The following ODF2 variants were observed in gnomAD, a reference collection of about 807,000 sequenced individuals.
ODF2 encodes the protein outer dense fiber protein 2.
A neutral mutation model predicts 110.2 loss-of-function variants in ODF2; 47 were observed. The ratio of observed to expected loss-of-function variants is 0.43; its 90% CI spans 0.34 to 0.54. The LOEUF (loss-of-function observed/expected upper bound fraction) is 0.54, where lower values mean the gene tolerates loss of function less well. Ranked by LOEUF, ODF2 falls within the 20% of genes least tolerant of loss-of-function variation. The pLI, the probability that ODF2 is intolerant of heterozygous loss-of-function variation, is 0.03. For missense variants in ODF2, 812 were observed against 1,054.5 expected (o/e 0.77, Z 3.19); for synonymous variants, 352 against 397.7 (o/e 0.89, Z 1.37).
rs1360242666 is a variant in ODF2, at chr9:128,484,902, T to C, written c.1290+16T>C. The C allele has an allele frequency of 6.4e-7, 1 of 1,563,846 alleles. No homozygotes were observed. The highest frequency in any genetic ancestry group is 1.4e-5 in the African/African-American group (1 of 73,292). On this transcript the variant is annotated intron_variant, in intron 12 of 20. Coordinates refer to ENST00000604420, the Ensembl canonical transcript of ODF2. The stretch of plus-strand genomic sequence containing the variant: ...CGCTGACAAGGTCGCAGGCCCGCGG[T>C]GCCCAGCTCCTCACCTGCCCTGAGG...
intron 18 of ODF2, 45 bp downstream of exon 18, chr9:128,496,186 A>G (rs1416161860): frequency 6.2e-7 from 1 of 1,611,462 alleles, no homozygotes; most frequent in Non-Finnish European, 8.5e-7. Flanking sequence ...CTAGGACCTG[A>G]GACTTTCAGC....
intron 4 of ODF2, among the ~76,000 whole-genome samples, chr9:128,461,533 C>G (rs1045752444): frequency 6.6e-6 from 1 of 152,256 alleles, no homozygotes; most frequent in South Asian, 2.1e-4. Flanking sequence ...ATTCTCCAGC[C>G]TCAGCCTCCC....
exon 6 of ODF2, chr9:128,471,353 G>A (rs749752746): frequency 2.1e-5 from 34 of 1,613,266 alleles, no homozygotes; most frequent in Non-Finnish European, 2.8e-5. Context: ...AAGGTTCCTG[G>A]AGGAACGGAA....
chr9:128,495,578 T>C (rs1845434842), intron 17 of ODF2, among the ~76,000 whole-genome samples: 1 of 152,356 alleles, frequency 6.6e-6, no homozygotes, highest in East Asian at 1.9e-4. Flanking sequence ...GGGTAAATTC[T>C]CAAACTTGCC....
chr9:128,456,848 C>A, intron 1 of ODF2: 2 of 1,306,332 alleles, frequency 1.5e-6, no homozygotes, highest in Non-Finnish European at 1.9e-6. Context: ...GCGCCCGGGG[C>A]CCGTGCAACC....
exon 9 of ODF2, chr9:128,481,615 G>A: frequency 8.7e-6 from 14 of 1,614,028 alleles, no homozygotes; most frequent in Non-Finnish European, 1.2e-5. Context: ...AAGGAGCACT[G>A]CTGAAACGGC....
intron 1 of ODF2, 57 bp downstream of exon 1, chr9:128,456,312 C>T (rs1834759805): frequency 1.3e-6 from 2 of 1,485,772 alleles, no homozygotes; most frequent in East Asian, 2.8e-5. Flanking sequence ...CGGGCGAGAC[C>T]GTCGCCTTCG....
chr9:128,457,021 C>A, intron 1 of ODF2: 1 of 1,276,356 alleles, frequency 7.8e-7, no homozygotes, highest in Non-Finnish European at 1.0e-6. Flanking sequence ...GCGGTTCTCA[C>A]CCGCCCTCTC....
exon 2 of ODF2, chr9:128,457,418 T>G: frequency 1.9e-6 from 3 of 1,612,592 alleles, no homozygotes; most frequent in Non-Finnish European, 2.5e-6. Flanking sequence ...GTCTGCCTCA[T>G]CCTCAGGCGG....
chr9:128,473,197 A>G, intron 7 of ODF2, 155 bp downstream of exon 7: 1 of 1,459,260 alleles, frequency 6.9e-7, no homozygotes, highest in Non-Finnish European at 9.1e-7. Context: ...CACCACTCTC[A>G]CTTCCCAATC....
chr9:128,498,264 C>A, intron 18 of ODF2, 149 bp from the exon 19 acceptor site: 2 of 1,242,426 alleles, frequency 1.6e-6, no homozygotes, highest in Non-Finnish European at 2.1e-6. Context: ...CCTTGCTGAT[C>A]TGCAGATTTC....
chr9:128,489,802 T>C (rs773573193), intron 14 of ODF2, among the ~76,000 whole-genome samples: 1 of 152,198 alleles, frequency 6.6e-6, no homozygotes, highest in Non-Finnish European at 1.5e-5. Context: ...CACTGAATAG[T>C]AAAGTGTGTC....
chr9:128,484,204 C>T, intron 11 of ODF2, 150 bp downstream of exon 11: 1 of 642,772 alleles, frequency 1.6e-6, no homozygotes, highest in Non-Finnish European at 2.7e-6. Flanking sequence ...CAGAGACATT[C>T]CAGGACAGTG....
chr9:128,465,556 C>T (rs763308164), intron 4 of ODF2, among the ~76,000 whole-genome samples: 3 of 151,500 alleles, frequency 2.0e-5, no homozygotes, highest in East Asian at 2.0e-4. Context: ...TCCTGGCCAA[C>T]GTGGTGAAAC....
rs1838562214 is a variant in ODF2, at chr9:128,467,569, A to AC, written c.250-1610dup. The stretch of plus-strand genomic sequence containing the variant: ...AGACCAGCCTGGCCAACATGGTGAA[A>AC]CCCCACCTCTACTAAAAATACAAAA... On this transcript the variant is annotated intron_variant, in intron 4 of 20. Transcript: ENST00000604420. Among the ~76,000 whole-genome samples the AC allele has an allele frequency of 2.0e-5, 3 of 151,966 alleles. No homozygotes were observed. In the South Asian group the frequency reaches 6.2e-4, roughly 32 times the overall value.
intron 3 of ODF2, chr9:128,460,336 T>C (rs992122799): frequency 7.0e-7 from 1 of 1,436,160 alleles, no homozygotes; most frequent in African/African-American, 1.4e-5. Context: ...TGGACCAGAA[T>C]CTCCCTTGTG....
chr9:128,469,387 C>T lies in ODF2; in HGVS notation c.420+34C>T, dbSNP rs781668549. On this transcript the variant is annotated intron_variant, in intron 5 of 20. Coordinates refer to ENST00000604420, the Ensembl canonical transcript of ODF2. The stretch of plus-strand genomic sequence containing the variant: ...GGTAGGGGGCTGGGATAGCTACTAC[C>T]CTGAGGATGTGCAGGAGCACCCAGG... 3 of 1,608,870 alleles carry T rather than the reference C, an allele frequency of 1.9e-6. No individual in the cohort carries two copies. The African/African-American group carries it at 4.0e-5, about 22-fold the overall frequency.
At chr9:128,482,035 C>A (rs909357060) in intron 9 of ODF2, among the ~76,000 whole-genome samples, 3 of 152,170 alleles carry the variant, frequency 2.0e-5, no homozygotes, top group Non-Finnish European at 4.4e-5. Context: ...CAGCATGTTC[C>A]AAAGTCTGTT....
intron 7 of ODF2, 31 bp from the exon 8 acceptor site, chr9:128,473,579 G>T: frequency 6.2e-7 from 1 of 1,611,032 alleles, no homozygotes; most frequent in Non-Finnish European, 8.5e-7. Flanking sequence ...TTCTCCCCCT[G>T]CATCTGTAAG....
Sources: gnomAD v4.1 joint callset for allele counts (sites outside exome capture counted in the v4.1 genomes callset) on GRCh38, gnomAD v4.1.1 for gene constraint, MANE v1.5 for transcripts, NCBI Gene and HGNC (gene_info 2026-07-23, HGNC 2026-07-21) for gene names.